CYP4Z1: variants seen among roughly 807,000 people sequenced by gnomAD.
The protein encoded by CYP4Z1 is cytochrome P450 4Z1.
In CYP4Z1, 41 loss-of-function variants were observed where a neutral mutation model predicts 54.2. That is an observed-to-expected ratio of 0.76 (90% CI 0.59 to 0.98). The LOEUF is 0.98. Among genes scored for constraint, CYP4Z1 ranks in the 50% least tolerant of loss-of-function variants. The probability of loss-of-function intolerance (pLI) is 0.00; values close to 1 mark genes in which losing one functional copy is unlikely to be tolerated. For synonymous variants in CYP4Z1, 163 were observed against 206.2 expected (o/e 0.79, Z 1.79); for missense variants, 513 against 599.0 (o/e 0.86, Z 1.50).
In CYP4Z1 at chr1:47,094,632, G is replaced by T. The variant is rs1346049275; in HGVS notation, c.839G>T (p.Arg280Met). The T allele has an allele frequency of 1.9e-6, 3 of 1,611,288 alleles. No homozygotes were observed. The highest frequency in any genetic ancestry group is 1.1e-5 in the South Asian group (1 of 90,316). The change falls in exon 7 of 12, where the codon AGG (arginine) becomes ATG (methionine). Residue 280 changes from arginine (R) to methionine (M), a missense_variant. Physicochemically the swap from Arg to Met is moderately conservative, Grantham distance 91. Coordinates refer to ENST00000334194, the MANE Select transcript of CYP4Z1 (RefSeq NM_178134.3). ...CTAAAACAAGATACTACTCAGAAAA[G>T]GCGCTGGGATTTTCTGGACATACTT... ...DKLKQDTTQK[R>M]RWDFLDILLS... is the part of the protein sequence containing the mutation.
At chr1:47,057,870 A>G in the CYP4Z1 span, among the ~76,000 whole-genome samples, 1 of 151,892 alleles carries the variant, frequency 6.6e-6, no homozygotes, top group Non-Finnish European at 1.5e-5. Flanking sequence ...TTGTATGGCT[A>G]GTGGGTTTTA....
chr1:47,061,784 C>T, the CYP4Z1 span, among the ~76,000 whole-genome samples: 11 of 152,240 alleles, frequency 7.2e-5, no homozygotes, highest in African/African-American at 2.4e-4. Flanking sequence ...AAATCTTCAA[C>T]AAAATACTTG....
At chr1:47,077,897 G>T (rs1190152218) in intron 2 of CYP4Z1, among the ~76,000 whole-genome samples, 2 of 152,088 alleles carry the variant, frequency 1.3e-5, no homozygotes, top group Non-Finnish European at 2.9e-5. Flanking sequence ...GAGACTACAG[G>T]TGTGACCCAC....
At chr1:47,055,788 C>T in the CYP4Z1 span, among the ~76,000 whole-genome samples, 13 of 151,872 alleles carry the variant, frequency 8.6e-5, no homozygotes, top group Non-Finnish European at 1.6e-4. Context: ...TTTTTTATTG[C>T]GTCTATTTGA....
At chr1:47,099,065 T>C (rs1644700572) in intron 7 of CYP4Z1, 29 bp from the exon 8 acceptor site, 2 of 1,612,730 alleles carry the variant, frequency 1.2e-6, no homozygotes, top group South Asian at 1.1e-5. Context: ...TAGCCAGCTT[T>C]GGATAAAGAT....
At position 47,117,870 on chromosome 1, in the gene CYP4Z1, C is replaced by G. The variant is rs761419989; in HGVS notation, c.1454C>G (p.Pro485Arg). 2 of 1,613,678 alleles carry G rather than the reference C, an allele frequency of 1.2e-6. No homozygotes were observed. The highest frequency in any genetic ancestry group is 2.2e-5 in the South Asian group (2 of 91,050). The change falls in exon 12 of 12, where the codon CCT (proline) becomes CGT (arginine). Residue 485 changes from proline to arginine, a missense_variant. Coordinates refer to ENST00000334194, the MANE Select transcript of CYP4Z1 (RefSeq NM_178134.3). Reference protein sequence around the residue: ...LAPDHSRPPQPVRQVVLKSKN... With the variant: ...LAPDHSRPPQRVRQVVLKSKN... Reference sequence around the variant, plus strand: ...CCAGACCACTCAAGGCCTCCCCAGCCTGTTCGTCAAGTTGTCCTCAAGTCC... The same window carrying G: ...CCAGACCACTCAAGGCCTCCCCAGCGTGTTCGTCAAGTTGTCCTCAAGTCC...
rs185973250 is a variant in CYP4Z1 at position 47,116,474 on chromosome 1, T to C, written c.1267-176T>C. The stretch of plus-strand genomic sequence containing the variant: ...CTGCTTTCTTGGGATATATTTTCAG[T>C]GGTAGGCTTTTGGGGAACATCAAGC... On this transcript the variant is annotated intron_variant, in intron 10 of 11. Coordinates refer to ENST00000334194, the MANE Select transcript of CYP4Z1 (RefSeq NM_178134.3). 4.8e-3 allele frequency among the ~76,000 whole-genome samples: 726 copies of C among 152,276 alleles called. 1 individual carries two copies. The highest frequency in any genetic ancestry group is 0.016 in the African/African-American group (675 of 41,554).
At chr1:47,108,878 C>T (rs1391867311) in intron 9 of CYP4Z1, among the ~76,000 whole-genome samples, 2 of 152,078 alleles carry the variant, frequency 1.3e-5, no homozygotes, top group Non-Finnish European at 2.9e-5. Context: ...CCTCCACCAT[C>T]TTCCTTACCC....
At chr1:47,103,575 C>CTTTT (rs369939162) in intron 8 of CYP4Z1, among the ~76,000 whole-genome samples, 3 of 128,592 alleles carry the variant, frequency 2.3e-5, no homozygotes, top group Admixed American at 7.8e-5. Flanking sequence ...TCACCTTCTT[C>CTTTT]TTTTTTTTTT....
intron 6 of CYP4Z1, among the ~76,000 whole-genome samples, chr1:47,090,520 T>C (rs1254749322): frequency 6.6e-6 from 1 of 152,260 alleles, no homozygotes; most frequent in African/African-American, 2.4e-5. Context: ...ATTCTACGAA[T>C]AATTAAAATC....
At chr1:47,061,508 G>A in the CYP4Z1 span, among the ~76,000 whole-genome samples, 2 of 151,944 alleles carry the variant, frequency 1.3e-5, no homozygotes, top group South Asian at 2.1e-4. Flanking sequence ...TAAACCGACC[G>A]ATAATGAGCT....
intron 11 of CYP4Z1, 31 bp from the exon 12 acceptor site, chr1:47,117,735 G>C: frequency 1.9e-6 from 3 of 1,586,372 alleles, no homozygotes; most frequent in Non-Finnish European, 2.6e-6. Flanking sequence ...AAATTCATTA[G>C]ATGCCATGTT....
chr1:47,112,791 C>T (rs1051560135), intron 9 of CYP4Z1, among the ~76,000 whole-genome samples: 1 of 151,804 alleles, frequency 6.6e-6, no homozygotes, highest in Non-Finnish European at 1.5e-5. Flanking sequence ...GGTCATATTC[C>T]AAAACTGAAA....
intron 2 of CYP4Z1, among the ~76,000 whole-genome samples, chr1:47,074,156 T>A (rs1644502047): frequency 6.6e-6 from 1 of 152,066 alleles, no homozygotes; most frequent in Non-Finnish European, 1.5e-5. Flanking sequence ...TATTTATTTA[T>A]CTTTTATTTT....
intron 6 of CYP4Z1, among the ~76,000 whole-genome samples, chr1:47,090,652 G>A (rs1167628738): frequency 5.9e-5 from 9 of 152,188 alleles, no homozygotes; most frequent in South Asian, 2.1e-4. Context: ...ATAAGTAGCC[G>A]TCACTCAGTT....
intron 7 of CYP4Z1, among the ~76,000 whole-genome samples, chr1:47,095,798 C>T (rs1644672503): frequency 6.6e-6 from 1 of 152,142 alleles, no homozygotes; most frequent in Admixed American, 6.5e-5. Context: ...ATGCCATTTC[C>T]GTTGTACCAA....
At chr1:47,084,425 A>G (rs2148529964) in intron 4 of CYP4Z1, among the ~76,000 whole-genome samples, 195 bp from the exon 5 acceptor site, 1 of 152,052 alleles carries the variant, frequency 6.6e-6, no homozygotes, top group South Asian at 2.1e-4. Flanking sequence ...ACAAAGTCAC[A>G]AATAGCATCT....
the CYP4Z1 span, among the ~76,000 whole-genome samples, chr1:47,057,622 T>C: frequency 6.6e-6 from 1 of 151,046 alleles, no homozygotes; most frequent in Non-Finnish European, 1.5e-5. Context: ...TTACTATACT[T>C]CTAAGTTTTA....
the CYP4Z1 span, among the ~76,000 whole-genome samples, chr1:47,057,335 A>AAAAAAAAATATATAT: frequency 1.1e-3 from 31 of 28,434 alleles, no homozygotes; most frequent in African/African-American, 1.6e-3. Flanking sequence ...AAGAAAAAAA[A>AAAAAAAAATATATAT]ATATATATAT....
Sources: gnomAD v4.1 joint callset for allele counts (sites outside exome capture counted in the v4.1 genomes callset) on GRCh38, gnomAD v4.1.1 for gene constraint, MANE v1.5 for transcripts, NCBI Gene and HGNC (gene_info 2026-07-23, HGNC 2026-07-21) for gene names.